Variants in RPS6KA6 observed in about 807,000 individuals in gnomAD.
The protein encoded by RPS6KA6 is ribosomal protein S6 kinase A6.
A neutral mutation model predicts 65.4 loss-of-function variants in RPS6KA6; 27 were observed. That is an observed-to-expected ratio of 0.41 (90% confidence interval 0.30 to 0.57). The LOEUF (loss-of-function observed/expected upper bound fraction) is 0.57. RPS6KA6 is among the 20% of genes least tolerant of loss of function. The pLI, the probability that RPS6KA6 is intolerant of heterozygous loss-of-function variation, is 0.24. For synonymous variants in RPS6KA6, 190 were observed against 184.2 expected (o/e 1.03, Z -0.26); for missense variants, 486 against 555.6 (o/e 0.87, Z 1.26).
intron 2 of RPS6KA6, 52 bp downstream of exon 2, chrX:84,164,275 CT>C (rs2035563450): frequency 2.1e-6 from 2 of 936,947 alleles, no homozygotes; most frequent in Non-Finnish European, 3.1e-6. Flanking sequence ...TCCCTGTATT[CT>C]TTTTCCTTAT....
chrX:84,089,621 C>T (rs2034001729), intron 20 of RPS6KA6, among the ~76,000 whole-genome samples: 1 of 110,510 alleles, frequency 9.0e-6, no homozygotes, highest in South Asian at 4.1e-4. Flanking sequence ...TCTACTGATC[C>T]ATGGGTTGCA....
At position 84,094,741 on chromosome X, in the gene RPS6KA6, C is replaced by T. The variant is rs145004189; in HGVS notation, c.1971+1453G>A. Among the ~76,000 whole-genome samples, 338 of 111,748 alleles carry T rather than the reference C, an allele frequency of 3.0e-3. 2 individuals carry two copies. The highest frequency in any genetic ancestry group is 0.011 in the African/African-American group (331 of 30,871). ...CTACAAAGATTCTTGGAAATGTTAA[C>T]GGAGATAACTGACATGGGTAACTGT... is the stretch of plus-strand genomic sequence containing the variant. On this transcript the variant is annotated intron_variant, in intron 20 of 21. Transcript: ENST00000262752.
chrX:84,184,193 TGA>T (rs2035897872), intron 1 of RPS6KA6, among the ~76,000 whole-genome samples: 2 of 112,453 alleles, frequency 1.8e-5, no homozygotes, highest in Non-Finnish European at 3.8e-5. Context: ...ACATTCACAG[TGA>T]GAGCACCACT....
intron 1 of RPS6KA6, among the ~76,000 whole-genome samples, chrX:84,169,883 A>T (rs1216226960): frequency 9.0e-6 from 1 of 111,493 alleles, no homozygotes; most frequent in Non-Finnish European, 1.9e-5. Flanking sequence ...AGTAAAAAAA[A>T]ATATTGGCCA....
At position 84,116,254 on chromosome X, in the gene RPS6KA6, A is replaced by G. The variant is rs764686009; in HGVS notation, c.983T>C (p.Leu328Pro). ...ATCCCAGTCAATATTTGCAAAAAAC[A>G]GATGTCTTTTGATTTCTTCAACTCC... The part of the protein sequence containing the change: ...SEGVEEIKRH[L>P]FFANIDWDKL... The change falls in exon 12 of 22, where the codon CTG becomes CCG. Residue 328 changes from leucine (L) to proline (P), a missense_variant. Leu to Pro is a moderately conservative substitution (Grantham distance 98). Transcript: ENST00000262752. 3 of 1,142,361 alleles carry G rather than the reference A, an allele frequency of 2.6e-6. No homozygotes were observed. In the African/African-American group the frequency reaches 5.4e-5, roughly 21 times the overall value. The allele number at this position is 1,142,361 out of a possible 1,213,427, so 94.1% of individuals were successfully genotyped here.
Position 84,073,863 on chromosome X carries a change from C to G in RPS6KA6, c.1972-8752G>C, listed in dbSNP as rs781125627. 2.7e-3 allele frequency among the ~76,000 whole-genome samples: 295 copies of G among 109,904 alleles called. 2 individuals are homozygous for G. Among genetic ancestry groups the G allele is most frequent in the African/African-American group, 9.5e-3 (288 of 30,322 alleles). On this transcript the variant is annotated intron_variant, in intron 20 of 21. Transcript: ENST00000262752. ...CTCACCCCAATTAGAATGGCTAGTACAAAAATGACAAATGCTGCCATGGAT... is the reference window on the plus strand; with the variant it reads ...CTCACCCCAATTAGAATGGCTAGTAGAAAAATGACAAATGCTGCCATGGAT...
intron 14 of RPS6KA6, 126 bp from the exon 15 acceptor site, chrX:84,106,613 C>A: frequency 1.9e-6 from 1 of 531,728 alleles, no homozygotes; most frequent in Non-Finnish European, 2.9e-6. Flanking sequence ...GAAGTTTTAT[C>A]GACATTTATA....
At chrX:84,150,155 T>C (rs1186595124) in intron 3 of RPS6KA6, among the ~76,000 whole-genome samples, 1 of 111,887 alleles carries the variant, frequency 8.9e-6, no homozygotes, top group Non-Finnish European at 1.9e-5. Flanking sequence ...TCTCTCAGCC[T>C]TCACAGAATT....
intron 8 of RPS6KA6, among the ~76,000 whole-genome samples, chrX:84,130,662 A>G (rs1462987686): frequency 8.9e-6 from 1 of 111,933 alleles, no homozygotes; most frequent in Non-Finnish European, 1.9e-5. Flanking sequence ...ATGAAACACT[A>G]CTTAGCAATT....
chrX:84,095,824 G>C (rs895767204), intron 20 of RPS6KA6, among the ~76,000 whole-genome samples: 1 of 111,617 alleles, frequency 9.0e-6, no homozygotes, highest in Non-Finnish European at 1.9e-5. Flanking sequence ...TATAAAAATT[G>C]TCTACATAAT....
intron 12 of RPS6KA6, among the ~76,000 whole-genome samples, chrX:84,111,998 T>C (rs2034478965): frequency 9.0e-6 from 1 of 111,234 alleles, no homozygotes; most frequent in Non-Finnish European, 1.9e-5. Context: ...AGATATAGCA[T>C]GCAAATAAAA....
chrX:84,074,575 C>T (rs2033617657), intron 20 of RPS6KA6, among the ~76,000 whole-genome samples: 1 of 111,697 alleles, frequency 9.0e-6, no homozygotes, highest in African/African-American at 3.3e-5. Flanking sequence ...GTTAATTATC[C>T]TGATTTGAAC....
intron 8 of RPS6KA6, among the ~76,000 whole-genome samples, chrX:84,124,132 C>T (rs1449094925): frequency 1.8e-5 from 2 of 111,537 alleles, no homozygotes; most frequent in Non-Finnish European, 3.8e-5. Flanking sequence ...CATTATTGGG[C>T]TTGGGGTTCA....
In RPS6KA6 at chrX:84,120,045, C is replaced by T. The variant is rs1446928160; in HGVS notation, c.647-18G>A. Reference sequence around the variant, plus strand: ...TCCAAAATCTATAATAACAGTATTACCAAAAAATGTGTCTGAAAAACTTCA... The same window carrying T: ...TCCAAAATCTATAATAACAGTATTATCAAAAAATGTGTCTGAAAAACTTCA... On this transcript the variant is annotated intron_variant, in intron 8 of 21. Coordinates refer to ENST00000262752, the MANE Select transcript of RPS6KA6 (RefSeq NM_014496.5). 1.5e-5 allele frequency: 16 copies of T among 1,099,935 alleles called. No homozygotes were observed. In the East Asian group the frequency reaches 1.6e-4, roughly 11 times the overall value. The allele number at this position is 1,099,935 out of a possible 1,213,427, so 90.6% of individuals were successfully genotyped here. A position where few individuals can be genotyped will look rare whatever the true frequency, so the allele number is the denominator to read the frequency against.
At chrX:84,092,420 G>A (rs1009111850) in intron 20 of RPS6KA6, among the ~76,000 whole-genome samples, 9 of 109,793 alleles carry the variant, frequency 8.2e-5, no homozygotes, top group African/African-American at 3.0e-4. Flanking sequence ...TCAAGAGATC[G>A]AGACCATCCT....
intron 20 of RPS6KA6, among the ~76,000 whole-genome samples, chrX:84,094,742 G>A (rs898303648): frequency 1.8e-5 from 2 of 111,810 alleles, no homozygotes; most frequent in East Asian, 2.8e-4. Context: ...AAATGTTAAC[G>A]GAGATAACTG....
At chrX:84,105,950 G>A (rs2034352286) in intron 15 of RPS6KA6, 74 bp from the exon 16 acceptor site, 1 of 567,029 alleles carries the variant, frequency 1.8e-6, no homozygotes, top group Admixed American at 3.3e-5. Flanking sequence ...TTTCCATTTG[G>A]TTATATTTTT....
chrX:84,166,816 T>G (rs977765659), intron 1 of RPS6KA6, among the ~76,000 whole-genome samples: 2 of 111,573 alleles, frequency 1.8e-5, no homozygotes, highest in African/African-American at 6.5e-5. Context: ...TTTGATGTGA[T>G]GAAGAACTTT....
intron 1 of RPS6KA6, among the ~76,000 whole-genome samples, chrX:84,177,235 T>A (rs915804524): frequency 3.6e-5 from 4 of 112,113 alleles, no homozygotes; most frequent in Admixed American, 9.5e-5. Context: ...TAAATATCAT[T>A]ATACAATAGT....
Sources: gnomAD v4.1 joint callset for allele counts (sites outside exome capture counted in the v4.1 genomes callset) on GRCh38, gnomAD v4.1.1 for gene constraint, MANE v1.5 for transcripts, NCBI Gene and HGNC (gene_info 2026-07-23, HGNC 2026-07-21) for gene names.